The following SNRPN variants were observed in gnomAD, a reference collection of about 807,000 sequenced individuals.
SNRPN encodes the protein small nuclear ribonucleoprotein-associated protein N.
Under a neutral mutation model 25.2 loss-of-function variants are expected in SNRPN, and 7 were observed. The ratio of observed to expected loss-of-function variants is 0.28; its 90% CI spans 0.16 to 0.52. The LOEUF (loss-of-function observed/expected upper bound fraction) is 0.52, where lower values mean the gene tolerates loss of function less well. Ranked by LOEUF, SNRPN falls within the 20% of genes least tolerant of loss-of-function variation. The probability of loss-of-function intolerance (pLI) is 0.96; values close to 1 mark genes in which losing one functional copy is unlikely to be tolerated. For synonymous variants in SNRPN, 124 were observed against 110.6 expected (o/e 1.12, Z -0.76); for missense variants, 196 against 322.5 (o/e 0.61, Z 3.00).
intron 1 of SNRPN, among the ~76,000 whole-genome samples, chr15:24,878,090 G>A (rs1031195265): frequency 4.6e-5 from 7 of 152,200 alleles, no homozygotes; most frequent in African/African-American, 1.7e-4. Flanking sequence ...GAGTAAATGA[G>A]TGTGTGTTTC....
chr15:24,973,732 C>T lies in SNRPN; in HGVS notation c.-143-579C>T, dbSNP rs952701926. Among the ~76,000 whole-genome samples the T allele has an allele frequency of 3.3e-5, 5 of 152,192 alleles. No individual in the cohort carries two copies. In the South Asian group the frequency reaches 1.0e-3, roughly 32 times the overall value. On this transcript the variant is annotated intron_variant, in intron 3 of 9. Coordinates refer to ENST00000390687, the MANE Select transcript of SNRPN (RefSeq NM_003097.6). The stretch of plus-strand genomic sequence containing the variant: ...TGATTTATAACTTTGTCCTTCATTA[C>T]TTGATCTATGAAAGTTGTTTATGTG...
At chr15:24,938,668 C>G (rs1243892808) in intron 3 of SNRPN, among the ~76,000 whole-genome samples, 1 of 152,136 alleles carries the variant, frequency 6.6e-6, no homozygotes, top group Admixed American at 6.5e-5. Flanking sequence ...GGTCAGGAGG[C>G]AGAAGATAGG....
Position 24,968,304 on chromosome 15 carries a change from G to T in SNRPN, c.-144+222G>T, listed in dbSNP as rs187962977. On this transcript the variant is annotated intron_variant, in intron 3 of 9. Coordinates refer to ENST00000390687, the MANE Select transcript of SNRPN (RefSeq NM_003097.6). ...AGTTATTGTAGCGCATGCTTTTCAG[G>T]TAGTTTTCTTTTGCGTTTTTTTTAA... 8.7e-6 allele frequency: 3 copies of T among 344,900 alleles called. No individual in the cohort carries two copies. In the East Asian group the frequency reaches 1.8e-4, roughly 20 times the overall value. The allele number at this position is 344,900 out of a possible 1,614,324, so 21.4% of individuals were successfully genotyped here.
At chr15:24,967,198 A>G (rs558411230) in intron 2 of SNRPN, 3 of 152,410 alleles carry the variant, frequency 2.0e-5, no homozygotes, top group African/African-American at 4.8e-5. Flanking sequence ...CAAGGCTGCC[A>G]GCTCTTGTGT....
upstream of SNRPN, among the ~76,000 whole-genome samples, chr15:24,854,173 A>G (rs992946637): frequency 5.9e-5 from 9 of 152,304 alleles, no homozygotes; most frequent in Admixed American, 2.0e-4. Flanking sequence ...GTATAATGGC[A>G]TGAATCCGTT....
At chr15:24,975,197 A>G (rs2076930110) in intron 4 of SNRPN, among the ~76,000 whole-genome samples, 161 bp from the exon 5 acceptor site, 1 of 152,208 alleles carries the variant, frequency 6.6e-6, no homozygotes, top group Non-Finnish European at 1.5e-5. Flanking sequence ...TCCTCCAAAG[A>G]GCCATACTAA....
At chr15:24,968,633 A>T (rs1005910344) in intron 3 of SNRPN, among the ~76,000 whole-genome samples, 2 of 152,158 alleles carry the variant, frequency 1.3e-5, no homozygotes, top group Non-Finnish European at 2.9e-5. Flanking sequence ...ATTTTAATTC[A>T]AATATGGTTT....
chr15:24,939,599 A>G (rs2061426379), intron 3 of SNRPN, among the ~76,000 whole-genome samples: 1 of 151,892 alleles, frequency 6.6e-6, no homozygotes, highest in Non-Finnish European at 1.5e-5. Flanking sequence ...TGCCTGGTCA[A>G]TTTTTGTATC....
chr15:24,952,755 A>G (rs2062379598), upstream of SNRPN, among the ~76,000 whole-genome samples: 1 of 152,156 alleles, frequency 6.6e-6, no homozygotes, highest in South Asian at 2.1e-4. Context: ...TAATACTTTA[A>G]TTGTAAAAGT....
At chr15:24,951,282 A>G (rs2062250644), upstream of SNRPN, among the ~76,000 whole-genome samples, 1 of 152,056 alleles carries the variant, frequency 6.6e-6, no homozygotes, top group South Asian at 2.1e-4. Context: ...TCACATCCCA[A>G]TCAGCAGTGT....
intron 1 of SNRPN, among the ~76,000 whole-genome samples, chr15:24,956,393 G>A (rs1384347150): frequency 6.6e-6 from 1 of 150,840 alleles, no homozygotes; most frequent in Non-Finnish European, 1.5e-5. Context: ...GCCGCCAGTG[G>A]GGAGGGGGCA....
At chr15:24,879,408 G>A (rs951182957) in intron 1 of SNRPN, among the ~76,000 whole-genome samples, 1 of 150,384 alleles carries the variant, frequency 6.6e-6, no homozygotes, top group Non-Finnish European at 1.5e-5. Flanking sequence ...CTGCACTCTA[G>A]CCTGGAGGAC....
At chr15:24,938,576 AT>A (rs1392011864) in intron 3 of SNRPN, among the ~76,000 whole-genome samples, 3 of 152,308 alleles carry the variant, frequency 2.0e-5, no homozygotes, top group South Asian at 2.1e-4. Flanking sequence ...TGCCTGGCCA[AT>A]TGAAGATTTT....
intron 3 of SNRPN, among the ~76,000 whole-genome samples, chr15:24,944,809 T>C (rs2061775849): frequency 6.6e-6 from 1 of 152,196 alleles, no homozygotes; most frequent in East Asian, 1.9e-4. Context: ...GGAGGCTGGC[T>C]AGTCCAAAAT....
At chr15:24,900,737 A>G (rs1355229302) in intron 2 of SNRPN, among the ~76,000 whole-genome samples, 3 of 152,168 alleles carry the variant, frequency 2.0e-5, no homozygotes, top group Non-Finnish European at 4.4e-5. Flanking sequence ...AGGCCGTTAT[A>G]CTAAGGAGGA....
intron 2 of SNRPN, among the ~76,000 whole-genome samples, chr15:24,841,880 C>T (rs2051735684): frequency 6.6e-6 from 1 of 152,182 alleles, no homozygotes; most frequent in Non-Finnish European, 1.5e-5. Flanking sequence ...ACCATTCAAG[C>T]TCTTGGGCCC....
chr15:24,854,538 T>C (rs2053201904), upstream of SNRPN, among the ~76,000 whole-genome samples: 1 of 152,228 alleles, frequency 6.6e-6, no homozygotes. Flanking sequence ...ACTTTAACTC[T>C]GAAGAAAGCT....
At chr15:24,955,855 C>T (rs1008283290) in intron 1 of SNRPN, among the ~76,000 whole-genome samples, 14 of 150,734 alleles carry the variant, frequency 9.3e-5, no homozygotes, top group Admixed American at 4.0e-4. Flanking sequence ...GGCATGGAGG[C>T]GGTGGGCATG....
At chr15:24,922,037 T>TA (rs67089476) in intron 3 of SNRPN, among the ~76,000 whole-genome samples, 1,174 of 94,382 alleles carry the variant, frequency 0.012, 16 homozygotes, top group Non-Finnish European at 0.014. Context: ...CCGTCTCTAC[T>TA]AAAAAAAAAA....
Sources: gnomAD v4.1 joint callset for allele counts (sites outside exome capture counted in the v4.1 genomes callset) on GRCh38, gnomAD v4.1.1 for gene constraint, MANE v1.5 for transcripts, NCBI Gene and HGNC (gene_info 2026-07-23, HGNC 2026-07-21) for gene names.